COL18A1: variants seen among roughly 807,000 people sequenced by gnomAD.
COL18A1 encodes collagen alpha-1(XVIII) chain.
A neutral mutation model predicts 168.0 loss-of-function variants in COL18A1; 133 were observed. The ratio of observed to expected loss-of-function variants is 0.79; its 90% CI spans 0.69 to 0.91. The LOEUF (loss-of-function observed/expected upper bound fraction) is 0.91, where lower values mean the gene tolerates loss of function less well. Among genes scored for constraint, COL18A1 ranks in the 40% least tolerant of loss-of-function variants. The probability of loss-of-function intolerance (pLI) is 0.00; values close to 1 mark genes in which losing one functional copy is unlikely to be tolerated. For synonymous variants in COL18A1, 949 were observed against 809.0 expected (o/e 1.17, Z -2.94); for missense variants, 2,126 against 1,925.4 (o/e 1.10, Z -1.95).
intron 41 of COL18A1, 43 bp from the exon 42 acceptor site, chr21:45,512,145 A>G: frequency 6.3e-7 from 1 of 1,583,444 alleles, no homozygotes; most frequent in Non-Finnish European, 8.6e-7. Flanking sequence ...TGCCCTAAGC[A>G]GAGCAGGTCT....
At chr21:45,467,267 C>T (rs1327975455) in intron 2 of COL18A1, 17 of 985,268 alleles carry the variant, frequency 1.7e-5, no homozygotes, top group Middle Eastern at 5.2e-4. Flanking sequence ...GCTCCCTGGG[C>T]GAGGGATGGA....
intron 32 of COL18A1, among the ~76,000 whole-genome samples, chr21:45,501,385 G>C (rs906870805): frequency 2.7e-4 from 41 of 152,246 alleles, no homozygotes; most frequent in Admixed American, 8.5e-4. Context: ...CACGTCCCCA[G>C]CATCGGGACC....
rs754575228 is a variant in COL18A1 at position 45,494,847 on chromosome 21, C to G, written c.2380-15C>G. The G allele has an allele frequency of 3.7e-6, 6 of 1,604,958 alleles. No homozygotes were observed. Among genetic ancestry groups the G allele is most frequent in the Non-Finnish European group, 4.3e-6 (5 of 1,176,234 alleles). Reference sequence around the variant, plus strand: ...AGGGTCTGCCCCACTAAGCCTGGCCCCCTTCCTCTTGCAGGGTCCATACGG... The same window carrying G: ...AGGGTCTGCCCCACTAAGCCTGGCCGCCTTCCTCTTGCAGGGTCCATACGG... On this transcript the variant is annotated splice_polypyrimidine_tract_variant and intron_variant, in intron 27 of 41. Transcript: ENST00000651438.
chr21:45,483,745 G>T (rs1175391615), intron 15 of COL18A1, among the ~76,000 whole-genome samples: 1 of 152,218 alleles, frequency 6.6e-6, no homozygotes, highest in Non-Finnish European at 1.5e-5. Context: ...CAGGATGGGG[G>T]TGATGAGGGA....
rs374618822 is a variant in COL18A1, at chr21:45,475,451, G to A, written c.739-25G>A. 5 of 1,580,678 alleles carry A rather than the reference G, an allele frequency of 3.2e-6. No individual in the cohort carries two copies. The African/African-American group carries it at 6.7e-5, about 21-fold the overall frequency. On this transcript the variant is annotated intron_variant, in intron 4 of 41. Transcript: ENST00000651438. ...GCCTGGCCTGGCTGCCATCTCTCCA[G>A]CCTTTCCCTTTTCAAACTCCTCAGG...
At chr21:45,495,223 C>T in intron 28 of COL18A1, 135 bp from the exon 29 acceptor site, 1 of 764,744 alleles carries the variant, frequency 1.3e-6, no homozygotes, top group Admixed American at 2.0e-5. Context: ...GCCGGGGTAG[C>T]CTGAGAGCTG....
At position 45,463,674 on chromosome 21, in the gene COL18A1, G is replaced by A. The variant is rs192983292; in HGVS notation, c.107-4568G>A. Among the ~76,000 whole-genome samples, 151 of 152,312 alleles carry A rather than the reference G, an allele frequency of 9.9e-4. 1 individual carries two copies. Among genetic ancestry groups the A allele is most frequent in the Admixed American group, 3.2e-3 (49 of 15,300 alleles). Reference sequence around the variant, plus strand: ...GCACTTTGGGATGCCGAGGCATGCGGATCGCCTGAGGTCGGGAGTTGGAGA... The same window carrying A: ...GCACTTTGGGATGCCGAGGCATGCGAATCGCCTGAGGTCGGGAGTTGGAGA... On this transcript the variant is annotated intron_variant, in intron 2 of 41. Transcript: ENST00000651438. The surrounding 1 kb of genome is among the most constrained non-coding windows in gnomAD (Gnocchi z 4.0).
chr21:45,413,753 G>A (rs560562293), intron 2 of COL18A1, among the ~76,000 whole-genome samples: 12 of 136,926 alleles, frequency 8.8e-5, no homozygotes, highest in South Asian at 2.5e-4. Context: ...CAAAGGCCCC[G>A]CCAGCCATGC....
At chr21:45,479,589 A>G (rs969641664) in intron 9 of COL18A1, among the ~76,000 whole-genome samples, 3 of 149,798 alleles carry the variant, frequency 2.0e-5, no homozygotes, top group Non-Finnish European at 4.5e-5. Flanking sequence ...CCTCACACAC[A>G]CACCATGCAT....
chr21:45,492,422 C>T, intron 22 of COL18A1, 113 bp from the exon 23 acceptor site: 3 of 1,347,424 alleles, frequency 2.2e-6, no homozygotes, highest in East Asian at 2.3e-5. Context: ...TGGAAAGCAA[C>T]ATTTTCCTTG....
At position 45,490,349 on chromosome 21, in the gene COL18A1, G is replaced by C; in HGVS notation, c.2031+3G>C. ...GAGAGGGCATTGCTGGGCCCCAGGT[G>C]AGTTGCCTTGGTGGGCCCAGGGTGC... On this transcript the variant is annotated splice_donor_region_variant and intron_variant, in intron 20 of 41. Transcript: ENST00000651438. The C allele has an allele frequency of 6.4e-7, 1 of 1,572,538 alleles. No homozygotes were observed.
At chr21:45,454,022 T>G (rs142266455) in intron 2 of COL18A1, among the ~76,000 whole-genome samples, 74 of 152,298 alleles carry the variant, frequency 4.9e-4, no homozygotes, top group African/African-American at 1.5e-3. Context: ...TTGGAGACTT[T>G]CCGGAGGCGT....
rs2035613726 is a variant in COL18A1, at chr21:45,475,479, T to A, written c.742T>A (p.Ser248Thr). The part of the protein sequence containing the change: ...DEEGDDSDGA[S>T]GDSGSGLGDA... ...TTTCCCTTTTCAAACTCCTCAGGCATCCGGAGACTCTGGCAGCGGGCTCGG... is the reference window on the plus strand; with the variant it reads ...TTTCCCTTTTCAAACTCCTCAGGCAACCGGAGACTCTGGCAGCGGGCTCGG... The change falls in exon 5 of 42, where the codon TCC becomes ACC. Residue 248 changes from serine to threonine, a missense_variant. Coordinates refer to ENST00000651438, the MANE Select transcript of COL18A1 (RefSeq NM_001379500.1). 6.2e-7 allele frequency: 1 copy of A among 1,602,636 alleles called. No individual in the cohort carries two copies. Among genetic ancestry groups the A allele is most frequent in the Non-Finnish European group, 8.5e-7 (1 of 1,176,402 alleles).
intron 2 of COL18A1, among the ~76,000 whole-genome samples, chr21:45,437,320 G>GTA (rs1569287606): frequency 1.5e-5 from 1 of 66,984 alleles, no homozygotes; most frequent in Non-Finnish European, 2.6e-5. Flanking sequence ...GCACTCTCCT[G>GTA]CACACACACA....
chr21:45,451,427 C>T (rs2079339990), intron 2 of COL18A1, among the ~76,000 whole-genome samples: 2 of 152,112 alleles, frequency 1.3e-5, no homozygotes, highest in South Asian at 4.1e-4. Context: ...AGAAAGGGGC[C>T]CCACAGGCTC....
intron 27 of COL18A1, 103 bp downstream of exon 27, chr21:45,494,674 C>T (rs912446197): frequency 3.6e-5 from 56 of 1,540,410 alleles, no homozygotes; most frequent in Non-Finnish European, 4.9e-5. Flanking sequence ...GCCCAGGGCT[C>T]ATCTCCCTAG....
intron 13 of COL18A1, 148 bp downstream of exon 13, chr21:45,481,006 C>A: frequency 7.9e-7 from 1 of 1,258,528 alleles, no homozygotes; most frequent in Non-Finnish European, 1.1e-6. Flanking sequence ...CGGGCAGTTG[C>A]TGACTCGGGG....
intron 2 of COL18A1, chr21:45,456,775 G>A (rs1423336220): frequency 5.2e-6 from 8 of 1,542,684 alleles, no homozygotes; most frequent in Non-Finnish European, 7.0e-6. Context: ...GCGAGGCCCT[G>A]CAGGATGCGT....
chr21:45,480,201 TC>T, intron 11 of COL18A1, 45 bp downstream of exon 11: 1 of 1,240,006 alleles, frequency 8.1e-7, no homozygotes, highest in Non-Finnish European at 1.2e-6. Flanking sequence ...TCTGCCCTCC[TC>T]AAAAGCAGGC....
Sources: gnomAD v4.1 joint callset for allele counts (sites outside exome capture counted in the v4.1 genomes callset) on GRCh38, gnomAD v4.1.1 for gene constraint, Gnocchi (gnomAD v3.1) non-coding constraint, MANE v1.5 for transcripts, NCBI Gene and HGNC (gene_info 2026-07-23, HGNC 2026-07-21) for gene names.